Variants in TBCD observed in about 807,000 individuals in gnomAD.
TBCD encodes the protein tubulin folding cofactor D, also known as tubulin-specific chaperone D.
TBCD carries 105 observed loss-of-function variants against 169.3 expected under a neutral mutation model. The ratio of observed to expected loss-of-function variants is 0.62; its 90% CI spans 0.53 to 0.73. The LOEUF (loss-of-function observed/expected upper bound fraction) is 0.73. Among genes scored for constraint, TBCD ranks in the 30% least tolerant of loss-of-function variants. The probability of loss-of-function intolerance (pLI) is 0.00; values close to 1 mark genes in which losing one functional copy is unlikely to be tolerated. For synonymous variants in TBCD, 700 were observed against 643.9 expected, an observed-to-expected ratio of 1.09 and a Z score of -1.32; for missense variants, 1,444 against 1,600.1, an observed-to-expected ratio of 0.90 and a Z score of 1.66.
intron 20 of TBCD, among the ~76,000 whole-genome samples, chr17:82,906,361 T>G (rs2060251290): frequency 6.6e-6 from 1 of 152,174 alleles, no homozygotes; most frequent in Non-Finnish European, 1.5e-5. Flanking sequence ...GTCTCAGAGG[T>G]GACAAGCGAG....
rs1363879265 is a variant in TBCD at position 82,860,374 on chromosome 17, T to C, written c.1319-9850T>C. 4.1e-6 allele frequency: 4 copies of C among 985,308 alleles called. No homozygotes were observed. In the East Asian group the frequency reaches 3.4e-4, roughly 84 times the overall value. 61.0% of individuals were successfully genotyped at this position (985,308 alleles called of 1,614,324 possible). On this transcript the variant is annotated intron_variant, in intron 13 of 38. Transcript: ENST00000355528. ...GGTGGAGGGGCAGGAACTGACTGGC[T>C]CTTTTCCCTGTGGTGGCTGCTCGGG...
intron 30 of TBCD, 131 bp from the exon 31 acceptor site, chr17:82,928,982 A>G: frequency 8.5e-7 from 1 of 1,180,222 alleles, no homozygotes; most frequent in Non-Finnish European, 1.2e-6. Flanking sequence ...CTCAGCCACC[A>G]TGTCCCGAGG....
At chr17:82,795,714 G>A in intron 7 of TBCD, 1 of 647,440 alleles carries the variant, frequency 1.5e-6, no homozygotes, top group Non-Finnish European at 1.9e-6. Context: ...GGCCTCGCAG[G>A]GTGGGGTGCA....
intron 13 of TBCD, among the ~76,000 whole-genome samples, chr17:82,845,084 G>C (rs1016961606): frequency 3.3e-5 from 5 of 152,172 alleles, no homozygotes; most frequent in African/African-American, 1.2e-4. Context: ...GTTGGGGGGT[G>C]CCAGGGACCC....
At chr17:82,896,576 C>T (rs914055810) in intron 17 of TBCD, among the ~76,000 whole-genome samples, 2 of 151,810 alleles carry the variant, frequency 1.3e-5, no homozygotes, top group African/African-American at 4.8e-5. Flanking sequence ...AGCGATCCTC[C>T]CACCTCAGCC....
chr17:82,855,561 C>T (rs1386368596), intron 13 of TBCD, among the ~76,000 whole-genome samples: 3 of 152,028 alleles, frequency 2.0e-5, no homozygotes, highest in East Asian at 3.9e-4. Context: ...AGCCACTGTG[C>T]CTGGCCAGGT....
At chr17:82,759,372 T>C (rs559649790) in intron 2 of TBCD, among the ~76,000 whole-genome samples, 1 of 152,190 alleles carries the variant, frequency 6.6e-6, no homozygotes, top group Non-Finnish European at 1.5e-5. Context: ...TCCCAGCTAC[T>C]TGAGAGGCCG....
rs1432250101 is a variant in TBCD, at chr17:82,945,452, G to A, written c.*2989G>A. 2 of 152,180 alleles carry A rather than the reference G, an allele frequency of 1.3e-5. No homozygotes were observed. Among genetic ancestry groups the A allele is most frequent in the African/African-American group, 4.8e-5 (2 of 41,452 alleles). The allele number at this position is 152,180 out of a possible 1,614,324, so 9.4% of individuals were successfully genotyped here. On this transcript the variant is annotated 3_prime_UTR_variant, in exon 39 of 39. Transcript: ENST00000355528. ...GTAAGAAGGACAGAGTGATATAAAC[G>A]ACTACCAATTTCCCAGCAGCAGCAC...
At chr17:82,808,336 T>C (rs1159510331) in intron 11 of TBCD, among the ~76,000 whole-genome samples, 1 of 122,640 alleles carries the variant, frequency 8.2e-6, no homozygotes, top group African/African-American at 3.2e-5. Flanking sequence ...GGAGGTACCT[T>C]CTGTGGAGGG....
At position 82,755,281 on chromosome 17, in the gene TBCD, G is replaced by C. The variant is rs568870887; in HGVS notation, c.185-884G>C. 2.0e-5 allele frequency among the ~76,000 whole-genome samples: 3 copies of C among 152,312 alleles called. No homozygotes were observed. The East Asian group carries it at 5.8e-4, about 29-fold the overall frequency. ...GGTTCCAGTTAGCTGGTTTCAGAGA[G>C]AATAGATTGTAAATGCTTTTCATCA... On this transcript the variant is annotated intron_variant, in intron 1 of 38. Coordinates refer to ENST00000355528, the MANE Select transcript of TBCD (RefSeq NM_005993.5).
chr17:82,838,668 C>G, intron 13 of TBCD: 2 of 985,442 alleles, frequency 2.0e-6, no homozygotes, highest in Non-Finnish European at 2.4e-6. Flanking sequence ...GACTGCCACT[C>G]CCTCCCAGCC....
At chr17:82,847,356 GAAAA>G (rs1041994030) in intron 13 of TBCD, among the ~76,000 whole-genome samples, 5 of 81,758 alleles carry the variant, frequency 6.1e-5, no homozygotes, top group Non-Finnish European at 1.2e-4. Flanking sequence ...CCATGTCAAA[GAAAA>G]AAAAAAAAAA....
At chr17:82,941,322 C>G (rs1456402136) in intron 37 of TBCD, 77 bp from the exon 38 acceptor site, 3 of 1,308,050 alleles carry the variant, frequency 2.3e-6, no homozygotes, top group East Asian at 5.3e-5. Context: ...GCCATGGAAG[C>G]TTGACGCGGG....
intron 13 of TBCD, among the ~76,000 whole-genome samples, chr17:82,850,445 CTGTTTTGCTGTTGGCTGTGCTGT>C (rs1437675884): frequency 2.2e-5 from 3 of 137,830 alleles, no homozygotes; most frequent in Non-Finnish European, 4.6e-5. Flanking sequence ...GTTGGCTGTG[CTGTTTTGCTGTTGGCTGTGCTGT>C]TGTTGGCTGT....
At chr17:82,899,816 C>G (rs1349183192) in intron 17 of TBCD, among the ~76,000 whole-genome samples, 2 of 152,100 alleles carry the variant, frequency 1.3e-5, no homozygotes, top group East Asian at 1.9e-4. Flanking sequence ...TAAAATTTAC[C>G]CATTCGAGTG....
At chr17:82,892,366 T>C (rs1599287169) in intron 16 of TBCD, among the ~76,000 whole-genome samples, 1 of 152,194 alleles carries the variant, frequency 6.6e-6, no homozygotes, top group South Asian at 2.1e-4. Flanking sequence ...TGGGTGCAGG[T>C]TTCTCCCCTG....
At chr17:82,925,143 TAATAA>T in intron 27 of TBCD, 86 bp downstream of exon 27, 1 of 1,059,056 alleles carries the variant, frequency 9.4e-7, no homozygotes, top group Non-Finnish European at 1.4e-6. Flanking sequence ...GCCCAGCCGT[TAATAA>T]ACCCATCAGT....
In TBCD at chr17:82,874,921, CAG is replaced by C. The variant is rs1039536432; in HGVS notation, c.1475+4542_1475+4543del. ...ACAAGTTCTTCGGTGGGTCCTGTAA[CAG>C]TGGGTGCTTGGGATCAGAGCATCAG... On this transcript the variant is annotated intron_variant, in intron 14 of 38. Coordinates refer to ENST00000355528, the MANE Select transcript of TBCD (RefSeq NM_005993.5). This position sits in a 1 kb window ranked among gnomAD's most constrained non-coding sequence, Gnocchi z 5.0. Among the ~76,000 whole-genome samples the C allele has an allele frequency of 7.2e-5, 11 of 152,326 alleles. No homozygotes were observed. The highest frequency in any genetic ancestry group is 1.0e-4 in the Non-Finnish European group (7 of 68,024).
intron 7 of TBCD, among the ~76,000 whole-genome samples, chr17:82,787,362 G>T (rs1450543579): frequency 6.6e-6 from 1 of 152,272 alleles, no homozygotes; most frequent in African/African-American, 2.4e-5. Flanking sequence ...GCGGGGCCGG[G>T]CTTCTGGCAG....
Sources: allele counts gnomAD v4.1 joint callset (sites outside exome capture counted in the v4.1 genomes callset), GRCh38; gene constraint gnomAD v4.1.1; non-coding constraint Gnocchi (gnomAD v3.1); transcripts MANE v1.5; gene names NCBI Gene and HGNC (gene_info 2026-07-23, HGNC 2026-07-21).